Variants in PPP2R2B observed in about 807,000 individuals in gnomAD.
PPP2R2B encodes the protein serine/threonine-protein phosphatase 2A 55 kDa regulatory subunit B beta isoform.
In PPP2R2B, 5 loss-of-function variants were observed where a neutral mutation model predicts 46.0. The ratio of observed to expected loss-of-function variants is 0.11; its 90% CI spans 0.06 to 0.23. The LOEUF is 0.23. Among genes scored for constraint, PPP2R2B ranks in the 10% least tolerant of loss-of-function variants. The pLI, the probability that PPP2R2B is intolerant of heterozygous loss-of-function variation, is 1.00. For missense variants in PPP2R2B, 367 were observed against 575.0 expected, an observed-to-expected ratio of 0.64 and a Z score of 3.70; for synonymous variants, 215 against 206.7, an observed-to-expected ratio of 1.04 and a Z score of -0.34.
In PPP2R2B at chr5:147,032,939, C is replaced by A. The variant is rs1273994604; in HGVS notation, c.79+22726G>T. On this transcript the variant is annotated intron_variant, in intron 1 of 8. Transcript: ENST00000336640. ...GTTCTTTAAAGAATTTCCAAACTCT[C>A]CTTATTGTTTTCCATAGTGGCTGTA... Among the ~76,000 whole-genome samples, 6 of 152,242 alleles carry A rather than the reference C, an allele frequency of 3.9e-5. No individual in the cohort carries two copies. In the East Asian group the frequency reaches 1.2e-3, roughly 29 times the overall value.
intron 1 of PPP2R2B, among the ~76,000 whole-genome samples, chr5:146,906,112 A>G (rs1229288230): frequency 6.6e-6 from 1 of 152,110 alleles, no homozygotes; most frequent in Non-Finnish European, 1.5e-5. Context: ...GTAAAGATAT[A>G]TTGTCTGAGT....
At chr5:146,603,587 C>T (rs73317460) in intron 7 of PPP2R2B, among the ~76,000 whole-genome samples, 9,009 of 152,234 alleles carry the variant, frequency 0.059, 813 homozygotes, top group African/African-American at 0.2. Flanking sequence ...CATACCAGCA[C>T]AGCACTTTGT....
At chr5:147,022,672 T>C (rs1755338157) in intron 1 of PPP2R2B, among the ~76,000 whole-genome samples, 2 of 151,884 alleles carry the variant, frequency 1.3e-5, no homozygotes, top group Non-Finnish European at 2.9e-5. Flanking sequence ...ATAATAAAAT[T>C]GCTGAAAACC....
At chr5:146,773,482 C>T (rs1189804316) in intron 2 of PPP2R2B, among the ~76,000 whole-genome samples, 1 of 152,196 alleles carries the variant, frequency 6.6e-6, no homozygotes, top group East Asian at 1.9e-4. Flanking sequence ...TACAACTCCA[C>T]TTTTAGTATT....
chr5:146,701,160 A>G lies in PPP2R2B; in HGVS notation c.71-18T>C, dbSNP rs1779514356. On this transcript the variant is annotated intron_variant, in intron 2 of 9. Transcript: ENST00000394411. Reference sequence around the variant, plus strand: ...AATGTCAGCTGCAAAGAAGAAGACAAAGGCAATTTAAGTAACTGCACACTT... The same window carrying G: ...AATGTCAGCTGCAAAGAAGAAGACAGAGGCAATTTAAGTAACTGCACACTT... The G allele has an allele frequency of 6.4e-7, 1 of 1,566,288 alleles. No homozygotes were observed. Among genetic ancestry groups the G allele is most frequent in the Non-Finnish European group, 8.8e-7 (1 of 1,136,484 alleles).
At chr5:146,965,321 C>T (rs1337199445) in intron 1 of PPP2R2B, among the ~76,000 whole-genome samples, 1 of 152,178 alleles carries the variant, frequency 6.6e-6, no homozygotes, top group East Asian at 1.9e-4. Flanking sequence ...GCCAGTACAT[C>T]ATAGAAGGTA....
At chr5:146,636,248 G>T (rs1199877798) in intron 7 of PPP2R2B, among the ~76,000 whole-genome samples, 2 of 152,134 alleles carry the variant, frequency 1.3e-5, no homozygotes, top group African/African-American at 4.8e-5. Flanking sequence ...ATATCCTTGG[G>T]CGTTAGGAAG....
At chr5:146,968,276 G>T (rs1324054590) in intron 1 of PPP2R2B, among the ~76,000 whole-genome samples, 1 of 152,104 alleles carries the variant, frequency 6.6e-6, no homozygotes, top group East Asian at 1.9e-4. Context: ...GACATTCTGG[G>T]CTTCCTTGTA....
In PPP2R2B at chr5:146,582,320, A is replaced by T. The variant is rs1287101467; in HGVS notation, c.*7627T>A. ...CCTGGGTGTGGGGGCAATATCTTGGATGTGATAATGTTGCTTCCTGCATCA... is the reference window on the plus strand; with the variant it reads ...CCTGGGTGTGGGGGCAATATCTTGGTTGTGATAATGTTGCTTCCTGCATCA... On this transcript the variant is annotated 3_prime_UTR_variant, in exon 10 of 10. Coordinates refer to ENST00000394411, the MANE Select transcript of PPP2R2B (RefSeq NM_181675.4). The T allele has an allele frequency of 6.6e-6, 1 of 152,158 alleles. No individual in the cohort carries two copies. The allele number at this position is 152,158 out of a possible 1,614,324, so 9.4% of individuals were successfully genotyped here.
At chr5:147,075,139 C>T (rs993009423) in intron 2 of PPP2R2B, among the ~76,000 whole-genome samples, 4 of 152,042 alleles carry the variant, frequency 2.6e-5, no homozygotes, top group African/African-American at 9.7e-5. Context: ...TATCTGATAT[C>T]GAGTGGGAAA....
intron 1 of PPP2R2B, among the ~76,000 whole-genome samples, chr5:146,996,755 G>T (rs2151866127): frequency 6.6e-6 from 1 of 152,228 alleles, no homozygotes; most frequent in South Asian, 2.1e-4. Flanking sequence ...CAATCCTGAG[G>T]TTTCCAATAT....
intron 1 of PPP2R2B, among the ~76,000 whole-genome samples, chr5:147,027,401 G>A (rs1755574457): frequency 1.3e-5 from 2 of 152,186 alleles, no homozygotes; most frequent in African/African-American, 4.8e-5. Flanking sequence ...TTGTGAGGCA[G>A]AGGCCGGCGG....
At chr5:146,698,317 A>AAAATAT (rs1250416449) in intron 3 of PPP2R2B, among the ~76,000 whole-genome samples, 173 bp from the exon 4 acceptor site, 190 of 85,632 alleles carry the variant, frequency 2.2e-3, no homozygotes, top group Non-Finnish European at 3.2e-3. Context: ...AAAAAAAAAA[A>AAAATAT]ATATATATAT....
At chr5:146,722,367 C>A (rs1054980848) in intron 2 of PPP2R2B, among the ~76,000 whole-genome samples, 2 of 152,178 alleles carry the variant, frequency 1.3e-5, no homozygotes, top group Admixed American at 6.6e-5. Flanking sequence ...TATGGCTTAA[C>A]TCAGGTCTGC....
intron 6 of PPP2R2B, among the ~76,000 whole-genome samples, chr5:146,645,198 G>T (rs1311282653): frequency 6.6e-6 from 1 of 152,178 alleles, no homozygotes; most frequent in Non-Finnish European, 1.5e-5. Flanking sequence ...GACATGAGTT[G>T]CTTTGAGATC....
chr5:146,623,641 C>G (rs1773851393), intron 7 of PPP2R2B, among the ~76,000 whole-genome samples: 1 of 152,192 alleles, frequency 6.6e-6, no homozygotes, highest in African/African-American at 2.4e-5. Context: ...CTATTTGACC[C>G]TGGGATTAAG....
intron 8 of PPP2R2B, 51 bp from the exon 9 acceptor site, chr5:146,593,113 A>G: frequency 7.0e-7 from 1 of 1,423,802 alleles, no homozygotes; most frequent in African/African-American, 1.4e-5. Context: ...AACAGTAATT[A>G]TTTCTGCAAA....
intron 1 of PPP2R2B, among the ~76,000 whole-genome samples, chr5:146,912,419 G>A (rs1171044942): frequency 6.6e-6 from 1 of 151,986 alleles, no homozygotes; most frequent in Admixed American, 6.6e-5. Flanking sequence ...TGAGCATTCT[G>A]AAAGAAAGAA....
At chr5:146,674,834 A>G (rs1777599491) in intron 5 of PPP2R2B, among the ~76,000 whole-genome samples, 1 of 152,338 alleles carries the variant, frequency 6.6e-6, no homozygotes, top group South Asian at 2.1e-4. Flanking sequence ...GTAGCCCAGA[A>G]GAAGCACAAG....
Sources: allele counts gnomAD v4.1 joint callset (sites outside exome capture counted in the v4.1 genomes callset), GRCh38; gene constraint gnomAD v4.1.1; transcripts MANE v1.5; gene names NCBI Gene and HGNC (gene_info 2026-07-23, HGNC 2026-07-21).